AQP9: variants seen among roughly 807,000 people sequenced by gnomAD.
The protein encoded by AQP9 is aquaporin-9.
In AQP9, 19 loss-of-function variants were observed where a neutral mutation model predicts 23.8. The ratio of observed to expected loss-of-function variants is 0.80; its 90% CI spans 0.56 to 1.17. AQP9 has a LOEUF of 1.17. Among genes scored for constraint, AQP9 ranks in the 50% most tolerant of loss-of-function variants. The pLI, the probability that AQP9 is intolerant of heterozygous loss-of-function variation, is 0.00. For synonymous variants in AQP9, 153 were observed against 131.5 expected (o/e 1.16, Z -1.12); for missense variants, 413 against 362.0 (o/e 1.14, Z -1.14).
At chr15:58,149,865 T>C (rs1198295942) in intron 1 of AQP9, among the ~76,000 whole-genome samples, 3 of 152,258 alleles carry the variant, frequency 2.0e-5, no homozygotes, top group African/African-American at 7.2e-5. Context: ...GGGGATTGTG[T>C]TTTTTGGAAA....
chr15:58,153,100 A>T (rs1898181346), intron 1 of AQP9: 1 of 152,200 alleles, frequency 6.6e-6, no homozygotes. Context: ...CTAATACAGC[A>T]GCCCTCCAAA....
intron 1 of AQP9, among the ~76,000 whole-genome samples, chr15:58,145,520 TA>T (rs746838250): frequency 6.6e-5 from 10 of 151,826 alleles, no homozygotes; most frequent in East Asian, 5.8e-4. Context: ...TATATATATA[TA>T]TTTTTTAACT....
intron 1 of AQP9, among the ~76,000 whole-genome samples, chr15:58,162,301 G>A (rs375097200): frequency 3.8e-4 from 58 of 152,296 alleles, no homozygotes; most frequent in African/African-American, 1.1e-3. Flanking sequence ...AGAGAACCCC[G>A]GGAGGGCATT....
chr15:58,145,297 G>A (rs1898025164), intron 1 of AQP9, among the ~76,000 whole-genome samples: 1 of 151,954 alleles, frequency 6.6e-6, no homozygotes, highest in South Asian at 2.1e-4. Context: ...AAGGTCAGGA[G>A]TTCAAGACCA....
At chr15:58,152,833 A>C (rs1457452780) in intron 1 of AQP9, 1 of 152,160 alleles carries the variant, frequency 6.6e-6, no homozygotes, top group African/African-American at 2.4e-5. Context: ...AACTCCCACT[A>C]AGCTTCAAAC....
At chr15:58,161,798 C>A (rs116217592) in intron 1 of AQP9, among the ~76,000 whole-genome samples, 156 of 152,186 alleles carry the variant, frequency 1.0e-3, no homozygotes, top group African/African-American at 3.4e-3. Context: ...TCATTTGATT[C>A]TTTATCAAAA....
intron 4 of AQP9, among the ~76,000 whole-genome samples, chr15:58,175,328 C>T (rs553350517): frequency 7.9e-5 from 12 of 152,348 alleles, no homozygotes; most frequent in African/African-American, 2.4e-4. Context: ...AAATGGACTT[C>T]ACTTCACTAT....
chr15:58,176,058 G>A (rs1338060520), intron 4 of AQP9, among the ~76,000 whole-genome samples: 1 of 152,148 alleles, frequency 6.6e-6, no homozygotes, highest in African/African-American at 2.4e-5. Context: ...TGAACTTTTT[G>A]GGTCGCAAGT....
chr15:58,181,512 C>T (rs963938773), intron 5 of AQP9, among the ~76,000 whole-genome samples: 4 of 152,098 alleles, frequency 2.6e-5, no homozygotes, highest in African/African-American at 9.7e-5. Flanking sequence ...CTTAAACAAG[C>T]AACAGAGGGG....
At chr15:58,161,835 A>G (rs1898389939) in intron 1 of AQP9, among the ~76,000 whole-genome samples, 1 of 152,232 alleles carries the variant, frequency 6.6e-6, no homozygotes. Context: ...TCTGGCACAT[A>G]TCATTATTCC....
intron 1 of AQP9, chr15:58,150,575 A>T (rs1194866787): frequency 6.6e-6 from 1 of 152,506 alleles, no homozygotes; most frequent in Non-Finnish European, 1.5e-5. Flanking sequence ...CTACTCTTTT[A>T]GTATAAGCAA....
intron 5 of AQP9, 133 bp from the exon 6 acceptor site, chr15:58,183,828 C>A (rs530816534): frequency 5.2e-6 from 5 of 965,650 alleles, no homozygotes; most frequent in South Asian, 1.6e-5. Context: ...ACTGAGCCCC[C>A]CTTATACTTA....
At chr15:58,166,534 A>G in intron 1 of AQP9, 139 bp from the exon 2 acceptor site, 1 of 1,169,054 alleles carries the variant, frequency 8.6e-7, no homozygotes, top group Non-Finnish European at 1.2e-6. Context: ...GTATAGCTGA[A>G]TCATTATAAT....
chr15:58,181,176 G>A (rs1372668652), intron 5 of AQP9, among the ~76,000 whole-genome samples: 3 of 152,176 alleles, frequency 2.0e-5, no homozygotes, highest in African/African-American at 7.2e-5. Flanking sequence ...CTCACGTGAA[G>A]GAAAATGTTG....
intron 2 of AQP9, among the ~76,000 whole-genome samples, chr15:58,170,248 C>T (rs772326166): frequency 6.6e-6 from 1 of 152,140 alleles, no homozygotes; most frequent in Non-Finnish European, 1.5e-5. Flanking sequence ...CACTTGTCCA[C>T]CTCTCTTTCT....
chr15:58,179,895 G>A (rs1440369296), intron 5 of AQP9, among the ~76,000 whole-genome samples: 1 of 152,158 alleles, frequency 6.6e-6, no homozygotes, highest in Non-Finnish European at 1.5e-5. Flanking sequence ...AGTGCTGCAG[G>A]AACACAGATA....
At chr15:58,162,540 CT>C (rs1322947863) in intron 1 of AQP9, among the ~76,000 whole-genome samples, 1 of 152,150 alleles carries the variant, frequency 6.6e-6, no homozygotes, top group African/African-American at 2.4e-5. Context: ...AGGTGAACAC[CT>C]ATTTAGGATG....
intron 1 of AQP9, among the ~76,000 whole-genome samples, chr15:58,146,479 T>C (rs1208076262): frequency 2.0e-4 from 31 of 152,272 alleles, no homozygotes; most frequent in African/African-American, 7.5e-4. Context: ...TCTTTTCTTG[T>C]GTGCTTATTT....
At chr15:58,160,326 G>A (rs2414537) in intron 1 of AQP9, among the ~76,000 whole-genome samples, 38,255 of 151,470 alleles carry the variant, frequency 0.25, 6,104 homozygotes, top group African/African-American at 0.46. Context: ...TCTTTTGCCC[G>A]CTTTAAAATC....
Sources: gnomAD v4.1 joint callset for allele counts (sites outside exome capture counted in the v4.1 genomes callset) on GRCh38, gnomAD v4.1.1 for gene constraint, MANE v1.5 for transcripts, NCBI Gene and HGNC (gene_info 2026-07-23, HGNC 2026-07-21) for gene names.